Variants in KDM2B observed in about 807,000 individuals in gnomAD.
KDM2B encodes the protein lysine demethylase 2B.
In KDM2B, 26 loss-of-function variants were observed where a neutral mutation model predicts 150.0. That is an observed-to-expected ratio of 0.17 (90% CI 0.13 to 0.24). The LOEUF (loss-of-function observed/expected upper bound fraction) is 0.24. KDM2B is among the 10% of genes least tolerant of loss of function. KDM2B has a pLI of 1.00. For synonymous variants in KDM2B, 734 were observed against 729.5 expected (o/e 1.01, Z -0.10); for missense variants, 1,265 against 1,816.9 (o/e 0.70, Z 5.52).
the KDM2B span, chr12:121,416,428 A>G: frequency 1.6e-6 from 2 of 1,222,236 alleles, no homozygotes; most frequent in South Asian, 1.2e-5. Context: ...AGCATTCTTG[A>G]TTGTAGGTTA....
intron 4 of KDM2B, among the ~76,000 whole-genome samples, chr12:121,572,738 G>A (rs1457879138): frequency 5.3e-5 from 8 of 151,818 alleles, no homozygotes; most frequent in African/African-American, 9.7e-5. Context: ...GCCTGCGGGC[G>A]TGAACTCCTG....
chr12:121,535,459 G>C (rs1555308575), intron 6 of KDM2B, among the ~76,000 whole-genome samples: 1 of 152,164 alleles, frequency 6.6e-6, no homozygotes, highest in East Asian at 1.9e-4. Flanking sequence ...TTTCATTCTG[G>C]GGTGATGAAA....
chr12:121,574,652 C>T, intron 3 of KDM2B, 59 bp from the exon 4 acceptor site: 1 of 1,530,360 alleles, frequency 6.5e-7, no homozygotes, highest in South Asian at 1.1e-5. Context: ...AGCTAGACTA[C>T]CCTGGGCCCG....
chr12:121,564,449 A>C (rs1357988869), intron 4 of KDM2B, among the ~76,000 whole-genome samples: 1 of 152,098 alleles, frequency 6.6e-6, no homozygotes, highest in Non-Finnish European at 1.5e-5. Context: ...CAGAGCGAGA[A>C]TCCGTCTCAA....
At position 121,452,976 on chromosome 12, in the gene KDM2B, C is replaced by G. The variant is rs782515302; in HGVS notation, c.1959+144G>C. 1.5e-5 allele frequency: 11 copies of G among 754,972 alleles called. No homozygotes were observed. Among genetic ancestry groups the G allele is most frequent in the Non-Finnish European group, 2.1e-5 (10 of 486,078 alleles). The allele number at this position is 754,972 out of a possible 1,614,324, so 46.8% of individuals were successfully genotyped here. ...GCCTGCGAAGCGGCCAGCGCCTTCC[C>G]GTCCACAGGAAGAGCTCTCGGGGAG... is the stretch of plus-strand genomic sequence containing the variant. On this transcript the variant is annotated intron_variant, in intron 13 of 22. Transcript: ENST00000377071. The surrounding 1 kb of genome is among the most constrained non-coding windows in gnomAD (Gnocchi z 4.4).
In KDM2B at chr12:121,533,286, A is replaced by T. The variant is rs1395124886; in HGVS notation, c.778-327T>A. Among the ~76,000 whole-genome samples, 1 of 152,154 alleles carries T rather than the reference A, an allele frequency of 6.6e-6. No individual in the cohort carries two copies. Among genetic ancestry groups the T allele is most frequent in the East Asian group, 1.9e-4 (1 of 5,196 alleles). On this transcript the variant is annotated intron_variant, in intron 7 of 22. Transcript: ENST00000377071. The surrounding 1 kb of genome is among the most constrained non-coding windows in gnomAD (Gnocchi z 4.1). ...GGAGGTGGGGGAAGGAGAGGAAGGGAATTTCCTAAGTTGTAAGATAAAATA... is the reference window on the plus strand; with the variant it reads ...GGAGGTGGGGGAAGGAGAGGAAGGGTATTTCCTAAGTTGTAAGATAAAATA...
intron 10 of KDM2B, among the ~76,000 whole-genome samples, chr12:121,512,191 C>T (rs573756279): frequency 2.0e-5 from 3 of 152,232 alleles, no homozygotes; most frequent in South Asian, 4.2e-4. Context: ...CCCTTCTCTC[C>T]TACCAGGCTG....
the KDM2B span, chr12:121,416,303 C>G: frequency 6.2e-7 from 1 of 1,614,152 alleles, no homozygotes. Context: ...TTCCACCTAC[C>G]CACCAGCAGC....
intron 4 of KDM2B, among the ~76,000 whole-genome samples, chr12:121,553,496 C>CG: frequency 6.6e-6 from 1 of 152,272 alleles, no homozygotes; most frequent in Admixed American, 6.5e-5. Flanking sequence ...CGGTTCCCAG[C>CG]GGAGCCTCCA....
At chr12:121,439,207 G>T (rs1874540536) in intron 22 of KDM2B, among the ~76,000 whole-genome samples, 1 of 152,032 alleles carries the variant, frequency 6.6e-6, no homozygotes, top group Non-Finnish European at 1.5e-5. Context: ...CAGGGCCCTT[G>T]CCTCCCGGCC....
At chr12:121,476,283 G>A (rs191553578) in intron 12 of KDM2B, among the ~76,000 whole-genome samples, 67 of 151,226 alleles carry the variant, frequency 4.4e-4, no homozygotes, top group African/African-American at 1.4e-3. Flanking sequence ...GGACGAGGGC[G>A]AGACTTCGCC....
chr12:121,434,680 G>A (rs1255076422), intron 22 of KDM2B, among the ~76,000 whole-genome samples: 3 of 151,996 alleles, frequency 2.0e-5, no homozygotes, highest in East Asian at 1.9e-4. Flanking sequence ...GGACCCGGCC[G>A]TGCGTGATGG....
rs531297372 is a variant in KDM2B, at chr12:121,453,971, C to T, written c.1735-627G>A. On this transcript the variant is annotated intron_variant, in intron 12 of 22. Coordinates refer to ENST00000377071, the MANE Select transcript of KDM2B (RefSeq NM_032590.5). The surrounding 1 kb of genome is among the most constrained non-coding windows in gnomAD (Gnocchi z 6.4). ...CCTCCGTCTGCTCCCCAAGAAAGACCGCAAGGGGCCACACAATCGGTCTCT... is the reference window on the plus strand; with the variant it reads ...CCTCCGTCTGCTCCCCAAGAAAGACTGCAAGGGGCCACACAATCGGTCTCT... 1.5e-3 allele frequency among the ~76,000 whole-genome samples: 225 copies of T among 152,264 alleles called. No homozygotes were observed. The highest frequency in any genetic ancestry group is 5.2e-3 in the African/African-American group (215 of 41,566).
intron 11 of KDM2B, among the ~76,000 whole-genome samples, chr12:121,499,675 T>C (rs60437938): frequency 0.22 from 34,021 of 151,476 alleles, 6,782 homozygotes; most frequent in African/African-American, 0.54. Flanking sequence ...TGGCCAGGTG[T>C]GGTGGCTCAC....
intron 6 of KDM2B, among the ~76,000 whole-genome samples, chr12:121,540,754 CAAAAAAA>C (rs60199948): frequency 1.6e-5 from 1 of 64,500 alleles, no homozygotes; most frequent in African/African-American, 7.5e-5. Context: ...GACTCTGTCT[CAAAAAAA>C]AAAAAAAAAA....
At chr12:121,431,879 C>CTTTTTTTTTT (rs77237915) in intron 22 of KDM2B, among the ~76,000 whole-genome samples, 5 of 122,394 alleles carry the variant, frequency 4.1e-5, no homozygotes, top group Admixed American at 1.8e-4. Flanking sequence ...TTTCTTTTTT[C>CTTTTTTTTTT]TTTTTTTTTT....
At chr12:121,530,878 G>C (rs1887608743) in intron 8 of KDM2B, among the ~76,000 whole-genome samples, 1 of 152,098 alleles carries the variant, frequency 6.6e-6, no homozygotes, top group South Asian at 2.1e-4. Context: ...CTTAAGGCCT[G>C]TTAGGCTCAG....
intron 8 of KDM2B, among the ~76,000 whole-genome samples, chr12:121,528,375 A>G (rs1555307197): frequency 1.3e-5 from 2 of 152,034 alleles, no homozygotes; most frequent in African/African-American, 4.8e-5. Flanking sequence ...GTTGATCAAC[A>G]TGGAAAAACC....
chr12:121,494,032 A>AT (rs1305504718), intron 12 of KDM2B: 1 of 153,950 alleles, frequency 6.5e-6, no homozygotes, highest in Non-Finnish European at 1.4e-5. Context: ...CATTTTTTGT[A>AT]TTTTTAGTAG....
Sources: gnomAD v4.1 joint callset for allele counts (sites outside exome capture counted in the v4.1 genomes callset) on GRCh38, gnomAD v4.1.1 for gene constraint, Gnocchi (gnomAD v3.1) non-coding constraint, MANE v1.5 for transcripts, NCBI Gene and HGNC (gene_info 2026-07-23, HGNC 2026-07-21) for gene names.